Variants in RCAN2 observed in about 807,000 individuals in gnomAD.
RCAN2 encodes the protein calcipressin-2.
RCAN2 carries 9 observed loss-of-function variants against 23.6 expected under a neutral mutation model. The observed-to-expected ratio is 0.38, with a 90% confidence interval of 0.23 to 0.67. RCAN2 has a LOEUF of 0.67. Among genes scored for constraint, RCAN2 ranks in the 30% least tolerant of loss-of-function variants. The probability of loss-of-function intolerance (pLI) is 0.51; values close to 1 mark genes in which losing one functional copy is unlikely to be tolerated. For missense variants in RCAN2, 273 were observed against 302.3 expected (o/e 0.90, Z 0.72); for synonymous variants, 109 against 115.7 (o/e 0.94, Z 0.37).
At chr6:46,471,463 G>A (rs1356037163) in intron 1 of RCAN2, among the ~76,000 whole-genome samples, 1 of 152,180 alleles carries the variant, frequency 6.6e-6, no homozygotes, top group Admixed American at 6.5e-5. Flanking sequence ...CGGATATGAG[G>A]TAGGAGAAGA....
chr6:46,338,392 C>T (rs181897856), intron 2 of RCAN2, among the ~76,000 whole-genome samples: 14 of 152,234 alleles, frequency 9.2e-5, no homozygotes, highest in East Asian at 1.9e-4. Flanking sequence ...GTCAAAAGTT[C>T]GGGTGTGGTG....
intron 2 of RCAN2, among the ~76,000 whole-genome samples, chr6:46,250,564 C>T (rs560429843): frequency 9.9e-5 from 15 of 152,126 alleles, no homozygotes; most frequent in Non-Finnish European, 1.6e-4. Flanking sequence ...CATCATTTTA[C>T]GAGTCAGAAC....
intron 2 of RCAN2, among the ~76,000 whole-genome samples, chr6:46,424,569 T>C (rs1340027904): frequency 6.6e-6 from 1 of 152,064 alleles, no homozygotes; most frequent in Admixed American, 6.6e-5. Flanking sequence ...GTTGTTTTCT[T>C]CCAAATGAGT....
chr6:46,258,890 C>T lies in RCAN2; in HGVS notation c.226-9994G>A, dbSNP rs9472727. On this transcript the variant is annotated intron_variant, in intron 2 of 4. Transcript: ENST00000371374. Reference sequence around the variant, plus strand: ...CAAACACCTCCAATACAAATAAAAACGTGTATGAGGACTATTAACTGGAAT... The same window carrying T: ...CAAACACCTCCAATACAAATAAAAATGTGTATGAGGACTATTAACTGGAAT... 8.0e-4 allele frequency among the ~76,000 whole-genome samples: 121 copies of T among 152,178 alleles called. 1 individual carries two copies. Among genetic ancestry groups the T allele is most frequent in the African/African-American group, 2.6e-3 (109 of 41,522 alleles).
At chr6:46,241,483 A>C (rs1262444604) in intron 4 of RCAN2, among the ~76,000 whole-genome samples, 1 of 152,234 alleles carries the variant, frequency 6.6e-6, no homozygotes, top group Non-Finnish European at 1.5e-5. Context: ...CCTGCTGGAC[A>C]CAAGAAAAAA....
chr6:46,226,289 G>A (rs1381038120), intron 4 of RCAN2, among the ~76,000 whole-genome samples: 1 of 152,122 alleles, frequency 6.6e-6, no homozygotes, highest in Non-Finnish European at 1.5e-5. Context: ...CGTTCCATAT[G>A]AACTTTAAAG....
intron 4 of RCAN2, among the ~76,000 whole-genome samples, chr6:46,224,742 C>T (rs1765591073): frequency 6.6e-6 from 1 of 151,978 alleles, no homozygotes; most frequent in Non-Finnish European, 1.5e-5. Context: ...CTGTGCACAT[C>T]TTGGTAAGCC....
rs139703861 is a variant in RCAN2, at chr6:46,456,709, G to A, written c.225+43C>T. On this transcript the variant is annotated intron_variant, in intron 2 of 4. Coordinates refer to ENST00000371374, the MANE Select transcript of RCAN2 (RefSeq NM_001251974.2). ...AACAACAGGATTACTTGGAGATAATGCCATATCTCCCCATGTTTTAGGAAC... is the reference window on the plus strand; with the variant it reads ...AACAACAGGATTACTTGGAGATAATACCATATCTCCCCATGTTTTAGGAAC... The A allele has an allele frequency of 4.1e-5, 55 of 1,352,006 alleles. No individual in the cohort carries two copies. In the African/African-American group the frequency reaches 7.4e-4, roughly 18 times the overall value. The allele number at this position is 1,352,006 out of a possible 1,614,324, so 83.8% of individuals were successfully genotyped here.
intron 2 of RCAN2, among the ~76,000 whole-genome samples, chr6:46,340,062 T>G (rs1764261727): frequency 6.6e-6 from 1 of 152,178 alleles, no homozygotes; most frequent in Non-Finnish European, 1.5e-5. Context: ...CAAGATAATG[T>G]CTGATAAATG....
At chr6:46,308,294 A>G (rs779921502) in intron 2 of RCAN2, among the ~76,000 whole-genome samples, 6 of 152,214 alleles carry the variant, frequency 3.9e-5, no homozygotes, top group African/African-American at 9.6e-5. Context: ...TAAACACTCA[A>G]TGTATGTTAG....
intron 2 of RCAN2, among the ~76,000 whole-genome samples, chr6:46,376,268 T>C (rs1765457322): frequency 6.6e-6 from 1 of 152,228 alleles, no homozygotes; most frequent in East Asian, 1.9e-4. Context: ...CCTCAGTAAG[T>C]ATTTATTTAA....
chr6:46,324,566 T>C (rs1561859317), intron 2 of RCAN2, among the ~76,000 whole-genome samples: 1 of 152,232 alleles, frequency 6.6e-6, no homozygotes, highest in Non-Finnish European at 1.5e-5. Context: ...GTGAGTGAAC[T>C]GTTTAAATAA....
chr6:46,243,076 C>A (rs1298444601), intron 4 of RCAN2, among the ~76,000 whole-genome samples: 4 of 152,162 alleles, frequency 2.6e-5, no homozygotes, highest in Non-Finnish European at 5.9e-5. Context: ...GAAGGAGCAA[C>A]CTCTTGCCTT....
At chr6:46,490,323 A>G (rs1769103797) in intron 1 of RCAN2, among the ~76,000 whole-genome samples, 1 of 152,220 alleles carries the variant, frequency 6.6e-6, no homozygotes, top group South Asian at 2.1e-4. Context: ...CTGAGACTTA[A>G]AAAAACTTCA....
intron 1 of RCAN2, among the ~76,000 whole-genome samples, chr6:46,490,081 T>C (rs923739728): frequency 2.0e-5 from 3 of 152,214 alleles, no homozygotes; most frequent in African/African-American, 7.2e-5. Context: ...CATTTGTTCT[T>C]CGTTTTGAAG....
intron 2 of RCAN2, among the ~76,000 whole-genome samples, chr6:46,258,404 T>A (rs1475253573): frequency 6.6e-6 from 1 of 152,238 alleles, no homozygotes; most frequent in Non-Finnish European, 1.5e-5. Flanking sequence ...GTGGTCCTGA[T>A]GCTACCTAAA....
chr6:46,444,116 A>G (rs1403896421), intron 2 of RCAN2, among the ~76,000 whole-genome samples: 1 of 152,234 alleles, frequency 6.6e-6, no homozygotes, highest in Non-Finnish European at 1.5e-5. Context: ...TTCAGGGTCT[A>G]GAGAAGAAAA....
At chr6:46,382,117 T>C (rs1031497154) in intron 2 of RCAN2, among the ~76,000 whole-genome samples, 1 of 152,152 alleles carries the variant, frequency 6.6e-6, no homozygotes, top group Non-Finnish European at 1.5e-5. Context: ...AGCTGGGCAT[T>C]AGATTGTCTG....
intron 2 of RCAN2, among the ~76,000 whole-genome samples, chr6:46,249,957 A>G (rs1212993531): frequency 6.6e-6 from 1 of 152,214 alleles, no homozygotes; most frequent in African/African-American, 2.4e-5. Flanking sequence ...TTTGAGAATT[A>G]TTTTATTCCT....
Sources: gnomAD v4.1 joint callset for allele counts (sites outside exome capture counted in the v4.1 genomes callset) on GRCh38, gnomAD v4.1.1 for gene constraint, MANE v1.5 for transcripts, NCBI Gene and HGNC (gene_info 2026-07-23, HGNC 2026-07-21) for gene names.